The following DLG2 variants were observed in gnomAD, a reference collection of about 807,000 sequenced individuals.
DLG2 encodes discs large MAGUK scaffold protein 2.
In DLG2, 45 loss-of-function variants were observed where a neutral mutation model predicts 132.5. The observed-to-expected ratio is 0.34, with a 90% CI of 0.27 to 0.44. DLG2 has a LOEUF of 0.44. Among genes scored for constraint, DLG2 ranks in the 20% least tolerant of loss-of-function variants. The pLI, the probability that DLG2 is intolerant of heterozygous loss-of-function variation, is 1.00. For missense variants in DLG2, 1,045 were observed against 1,196.9 expected (o/e 0.87, Z 1.87); for synonymous variants, 424 against 419.6 (o/e 1.01, Z -0.13).
chr11:84,786,040 T>C (rs1478848488), intron 6 of DLG2, among the ~76,000 whole-genome samples: 1 of 152,204 alleles, frequency 6.6e-6, no homozygotes, highest in East Asian at 1.9e-4. Flanking sequence ...CAGATGTTCA[T>C]ATCTACTATG....
At chr11:84,666,149 T>C (rs1435093265) in intron 6 of DLG2, among the ~76,000 whole-genome samples, 1 of 152,162 alleles carries the variant, frequency 6.6e-6, no homozygotes, top group Admixed American at 6.6e-5. Context: ...TGGGTGTTTC[T>C]GTAAGGGTGT....
intron 18 of DLG2, among the ~76,000 whole-genome samples, chr11:83,653,885 G>A (rs2071438347): frequency 6.6e-6 from 1 of 151,964 alleles, no homozygotes; most frequent in Admixed American, 6.6e-5. Flanking sequence ...ACCACACCTA[G>A]CTAATATTTT....
At chr11:85,079,749 C>T (rs760228217) in intron 6 of DLG2, among the ~76,000 whole-genome samples, 6 of 152,034 alleles carry the variant, frequency 3.9e-5, no homozygotes, top group African/African-American at 1.4e-4. Flanking sequence ...GAAAAGCCAA[C>T]AAATTAGCCA....
chr11:85,029,645 C>T (rs1178913384), intron 6 of DLG2, among the ~76,000 whole-genome samples: 2 of 152,178 alleles, frequency 1.3e-5, no homozygotes, highest in East Asian at 3.9e-4. Flanking sequence ...CTAAAGCTGC[C>T]TCCTTACCTA....
chr11:85,112,674 G>A (rs1363852496), intron 5 of DLG2, among the ~76,000 whole-genome samples: 3 of 152,016 alleles, frequency 2.0e-5, no homozygotes, highest in African/African-American at 7.2e-5. Context: ...ATAAGTAGGA[G>A]TATTATGCTC....
At chr11:85,104,947 A>G (rs2152292953) in intron 6 of DLG2, among the ~76,000 whole-genome samples, 1 of 151,150 alleles carries the variant, frequency 6.6e-6, no homozygotes, top group Non-Finnish European at 1.5e-5. Context: ...AGGTCCACAA[A>G]TCAGTCAAGT....
intron 6 of DLG2, among the ~76,000 whole-genome samples, chr11:84,729,693 T>C (rs1458104493): frequency 6.6e-6 from 1 of 152,054 alleles, no homozygotes; most frequent in East Asian, 1.9e-4. Context: ...CTTAGAATGT[T>C]TGCATGACCT....
chr11:85,612,608 C>T (rs1033359536), intron 2 of DLG2, among the ~76,000 whole-genome samples: 7 of 152,188 alleles, frequency 4.6e-5, no homozygotes. Context: ...AAATCCCAAA[C>T]TTACAAGGTT....
At chr11:83,675,934 T>C (rs1357565553) in intron 18 of DLG2, among the ~76,000 whole-genome samples, 2 of 152,208 alleles carry the variant, frequency 1.3e-5, no homozygotes, top group East Asian at 3.8e-4. Context: ...TTATGTTATG[T>C]ACTAACTCTA....
chr11:84,000,492 A>G (rs754959010), intron 11 of DLG2, among the ~76,000 whole-genome samples: 1 of 152,072 alleles, frequency 6.6e-6, no homozygotes, highest in Non-Finnish European at 1.5e-5. Context: ...TAGCAAGATA[A>G]TTAGACATCC....
chr11:84,169,079 AGTTCCTT>A, intron 8 of DLG2, among the ~76,000 whole-genome samples: 1 of 152,068 alleles, frequency 6.6e-6, no homozygotes, highest in South Asian at 2.1e-4. Flanking sequence ...AGTTTGGGTA[AGTTCCTT>A]AATCTCTTAA....
intron 6 of DLG2, among the ~76,000 whole-genome samples, chr11:84,946,398 A>T (rs2050202422): frequency 6.6e-6 from 1 of 152,008 alleles, no homozygotes; most frequent in African/African-American, 2.4e-5. Context: ...ATGCTTATTC[A>T]AGGCTCAAGA....
chr11:85,450,129 T>TA (rs1363397795), intron 3 of DLG2, among the ~76,000 whole-genome samples: 190 of 151,374 alleles, frequency 1.3e-3, no homozygotes, highest in African/African-American at 3.4e-3. Flanking sequence ...AACTCCGTTT[T>TA]AAAAAAAAAT....
chr11:85,383,577 A>C (rs948339144), intron 3 of DLG2, among the ~76,000 whole-genome samples: 23 of 152,286 alleles, frequency 1.5e-4, no homozygotes, highest in African/African-American at 5.5e-4. Context: ...CTAATATTTA[A>C]ACGGAGTTTT....
At chr11:85,482,501 C>A (rs763177662) in intron 3 of DLG2, among the ~76,000 whole-genome samples, 1 of 152,188 alleles carries the variant, frequency 6.6e-6, no homozygotes, top group Non-Finnish European at 1.5e-5. Context: ...CTAGGACCAC[C>A]TCTGTGTACC....
chr11:84,762,974 T>A (rs1385819814), intron 6 of DLG2, among the ~76,000 whole-genome samples: 1 of 152,106 alleles, frequency 6.6e-6, no homozygotes, highest in African/African-American at 2.4e-5. Flanking sequence ...GAAAAAAAAA[T>A]ATTTTATAAC....
intron 21 of DLG2, among the ~76,000 whole-genome samples, chr11:83,492,078 A>C (rs925436533): frequency 1.3e-5 from 2 of 152,100 alleles, no homozygotes; most frequent in Non-Finnish European, 2.9e-5. Context: ...CAAAGATCAG[A>C]TGGCCTGCAA....
In DLG2 at chr11:84,979,829, A is replaced by G. The variant is rs145510118; in HGVS notation, c.357+131832T>C. ...ATCATTAACAAAAAAATCCTCCTTC[A>G]AAAAAAAAACAAAAAAACTAGGCTT... On this transcript the variant is annotated intron_variant, in intron 6 of 27. Coordinates refer to ENST00000376104, the MANE Select transcript of DLG2 (RefSeq NM_001142699.3). Among the ~76,000 whole-genome samples the G allele has an allele frequency of 1.1e-3, 165 of 147,416 alleles. 1 individual carries two copies. The highest frequency in any genetic ancestry group is 4.0e-3 in the African/African-American group (160 of 40,048).
At chr11:83,878,672 C>A (rs566095453) in intron 15 of DLG2, among the ~76,000 whole-genome samples, 351 of 152,312 alleles carry the variant, frequency 2.3e-3, no homozygotes, top group African/African-American at 8.1e-3. Flanking sequence ...GTCCCACCCA[C>A]ACCACCTCAT....
Sources: gnomAD v4.1 joint callset for allele counts (sites outside exome capture counted in the v4.1 genomes callset) on GRCh38, gnomAD v4.1.1 for gene constraint, MANE v1.5 for transcripts, NCBI Gene and HGNC (gene_info 2026-07-23, HGNC 2026-07-21) for gene names.